Variants in ATP2B2 observed in about 807,000 individuals in gnomAD.
ATP2B2 encodes plasma membrane calcium-transporting ATPase 2.
ATP2B2 carries 15 observed loss-of-function variants against 120.0 expected under a neutral mutation model. That is an observed-to-expected ratio of 0.12 (90% CI 0.08 to 0.19). The LOEUF (loss-of-function observed/expected upper bound fraction) is 0.19. ATP2B2 is among the 10% of genes least tolerant of loss of function. The probability of loss-of-function intolerance (pLI) is 1.00; values close to 1 mark genes in which losing one functional copy is unlikely to be tolerated. For synonymous variants in ATP2B2, 694 were observed against 700.3 expected (o/e 0.99, Z 0.14); for missense variants, 1,045 against 1,719.8 (o/e 0.61, Z 6.94).
chr3:10,352,352 T>C lies in ATP2B2; in HGVS notation c.2137-1775A>G, dbSNP rs575860089. Among the ~76,000 whole-genome samples the C allele has an allele frequency of 1.3e-5, 2 of 152,362 alleles. 1 individual carries two copies. Among genetic ancestry groups the C allele is most frequent in the South Asian group, 4.1e-4 (2 of 4,834 alleles). On this transcript the variant is annotated intron_variant, in intron 14 of 22. Coordinates refer to ENST00000360273, the MANE Select transcript of ATP2B2 (RefSeq NM_001001331.4). The stretch of plus-strand genomic sequence containing the variant: ...TGAGTGTCAGCCTGTGGGGCTGCTC[T>C]CTTTCAGGGGTTCCACCCTGATGCC...
intron 2 of ATP2B2, among the ~76,000 whole-genome samples, chr3:10,572,108 G>A (rs560016681): frequency 1.3e-5 from 2 of 152,348 alleles, no homozygotes; most frequent in Non-Finnish European, 2.9e-5. Context: ...GCCATAAGAA[G>A]AGCATCCCTA....
intron 2 of ATP2B2, among the ~76,000 whole-genome samples, chr3:10,439,411 C>T (rs893246031): frequency 6.6e-6 from 1 of 152,168 alleles, no homozygotes; most frequent in East Asian, 1.9e-4. Context: ...GACTGAGCAC[C>T]CTTTTCCTGC....
At chr3:10,657,843 C>A (rs139799714) in intron 1 of ATP2B2, among the ~76,000 whole-genome samples, 181 of 152,358 alleles carry the variant, frequency 1.2e-3, no homozygotes, top group African/African-American at 2.3e-3. Flanking sequence ...TGGGAGGCAC[C>A]TGCTAGTAGG....
At chr3:10,630,857 C>T (rs142373558) in intron 1 of ATP2B2, among the ~76,000 whole-genome samples, 1 of 137,008 alleles carries the variant, frequency 7.3e-6, no homozygotes, top group African/African-American at 2.8e-5. Context: ...GGGTGGGGGG[C>T]GGTGAGCACA....
chr3:10,486,330 T>TGCGTGC (rs138585062), intron 1 of ATP2B2, among the ~76,000 whole-genome samples: 3,537 of 148,982 alleles, frequency 0.024, 130 homozygotes, highest in African/African-American at 0.083. Flanking sequence ...CGTGCGTGTG[T>TGCGTGC]GTGTGTGTGT....
intron 1 of ATP2B2, among the ~76,000 whole-genome samples, chr3:10,695,251 G>GGAGGGGGAGAGAGAGAGAGA (rs60247955): frequency 1.4e-4 from 18 of 126,962 alleles, no homozygotes; most frequent in African/African-American, 3.1e-4. Context: ...AGGGAGGGAG[G>GGAGGGGGAGAGAGAGAGAGA]GAGAGAGAGA....
chr3:10,467,819 C>T (rs1395515070), intron 1 of ATP2B2, among the ~76,000 whole-genome samples: 1 of 151,990 alleles, frequency 6.6e-6, no homozygotes, highest in Admixed American at 6.5e-5. Context: ...AGCGTGAGAG[C>T]AGCAAAGTTT....
chr3:10,371,853 T>C lies in ATP2B2; in HGVS notation c.1615A>G (p.Ile539Val), dbSNP rs56120857. The C allele has an allele frequency of 8.5e-5, 137 of 1,614,016 alleles. No individual in the cohort carries two copies. Among genetic ancestry groups the C allele is most frequent in the Middle Eastern group, 1.6e-4 (1 of 6,084 alleles). ...SINTKTMELL[I>V]NAIAINSAYT... ...GCGCTGTTGATGGCGATGGCATTGA[T>C]CAGCAGCTCCATGGTCTTGGTGTTG... is the stretch of plus-strand genomic sequence containing the variant. The change falls in exon 12 of 23, where the codon ATC becomes GTC. Residue 539 changes from isoleucine to valine, a missense_variant. Physicochemically the swap from Ile to Val is conservative, Grantham distance 29. Transcript: ENST00000360273.
intron 1 of ATP2B2, among the ~76,000 whole-genome samples, chr3:10,463,523 G>A (rs1488500847): frequency 1.3e-5 from 2 of 152,218 alleles, no homozygotes; most frequent in African/African-American, 4.8e-5. Context: ...AGCTTCTATT[G>A]GTATCCCCTT....
At chr3:10,672,126 T>C (rs11705742) in intron 1 of ATP2B2, among the ~76,000 whole-genome samples, 4,634 of 152,286 alleles carry the variant, frequency 0.03, 68 homozygotes, top group South Asian at 0.092. Flanking sequence ...TTGGCGATCA[T>C]TGGAGATAAT....
In ATP2B2 at chr3:10,608,082, G is replaced by A. The variant is rs563128533; in HGVS notation, c.-415+11835C>T. Among the ~76,000 whole-genome samples, 6 of 152,302 alleles carry A rather than the reference G, an allele frequency of 3.9e-5. No homozygotes were observed. The South Asian group carries it at 6.2e-4, about 16-fold the overall frequency. On this transcript the variant is annotated intron_variant, in intron 2 of 21. Coordinates refer to the ATP2B2 transcript ENST00000646379. ...CGATTGACCCTTGTCACTCAAACTC[G>A]GAAAAGAGCAGAGCTGTCCCCTGCT...
chr3:10,393,796 G>A (rs931784598), intron 5 of ATP2B2, among the ~76,000 whole-genome samples: 6 of 152,212 alleles, frequency 3.9e-5, no homozygotes, highest in African/African-American at 1.4e-4. Context: ...ATGTTCCTTG[G>A]TCTCTGACCT....
intron 4 of ATP2B2, among the ~76,000 whole-genome samples, chr3:10,401,314 C>G (rs2062211659): frequency 6.6e-6 from 1 of 152,160 alleles, no homozygotes; most frequent in East Asian, 1.9e-4. Flanking sequence ...GCAACCCTCG[C>G]TCAAGTGGGC....
At chr3:10,514,792 C>T (rs1039700502) in intron 3 of ATP2B2, among the ~76,000 whole-genome samples, 3 of 152,242 alleles carry the variant, frequency 2.0e-5, no homozygotes, top group African/African-American at 7.2e-5. Context: ...AAGCCCCAGT[C>T]TAGTGGCCAC....
upstream of ATP2B2, among the ~76,000 whole-genome samples, chr3:10,508,811 G>C (rs1199944370): frequency 2.6e-5 from 4 of 152,190 alleles, no homozygotes; most frequent in Non-Finnish European, 5.9e-5. Flanking sequence ...GACAGGTCAG[G>C]GTCAGCCACA....
At chr3:10,707,992 C>T (rs868048442) in exon 1 of ATP2B2, 2 of 147,406 alleles carry the variant, frequency 1.4e-5, no homozygotes, top group South Asian at 3.5e-4. Context: ...CGGCCCGGCC[C>T]GGCCCCGCTG....
chr3:10,337,934 C>G (rs1310272269), intron 22 of ATP2B2, among the ~76,000 whole-genome samples: 3 of 152,212 alleles, frequency 2.0e-5, no homozygotes, highest in Non-Finnish European at 2.9e-5. Flanking sequence ...GGTGTGACCC[C>G]TACCACTTCC....
chr3:10,402,459 G>T lies in ATP2B2; in HGVS notation c.398-111C>A. On this transcript the variant is annotated intron_variant, in intron 3 of 22. Transcript: ENST00000360273. The surrounding 1 kb of genome is among the most constrained non-coding windows in gnomAD (Gnocchi z 4.9). ...AAGTAACAAGTGTTAAGAATCAGAT[G>T]ATAATTATCCACTTACTCAGTGTGT... 6.7e-7 allele frequency: 1 copy of T among 1,492,304 alleles called. No individual in the cohort carries two copies. Among genetic ancestry groups the T allele is most frequent in the Non-Finnish European group, 9.2e-7 (1 of 1,084,650 alleles). 92.4% of individuals were successfully genotyped at this position (1,492,304 alleles called of 1,614,324 possible). A position where few individuals can be genotyped will look rare whatever the true frequency, so the allele number is the denominator to read the frequency against.
intron 2 of ATP2B2, among the ~76,000 whole-genome samples, chr3:10,614,636 C>T (rs2069334293): frequency 1.3e-5 from 2 of 152,298 alleles, no homozygotes; most frequent in South Asian, 4.1e-4. Context: ...GCCTCCCCTC[C>T]CTGTGCCTCA....
Sources: allele counts gnomAD v4.1 joint callset (sites outside exome capture counted in the v4.1 genomes callset), GRCh38; gene constraint gnomAD v4.1.1; non-coding constraint Gnocchi (gnomAD v3.1); transcripts MANE v1.5; gene names NCBI Gene and HGNC (gene_info 2026-07-23, HGNC 2026-07-21).